The following ADCY2 variants were observed in gnomAD, a reference collection of about 807,000 sequenced individuals.
ADCY2 encodes adenylate cyclase type 2.
In ADCY2, 31 loss-of-function variants were observed where a neutral mutation model predicts 125.2. The observed-to-expected ratio is 0.25, with a 90% CI of 0.19 to 0.33. ADCY2 has a LOEUF of 0.33. Ranked by LOEUF, ADCY2 falls within the 10% of genes least tolerant of loss-of-function variation. ADCY2 has a pLI of 1.00. For missense variants in ADCY2, 904 were observed against 1,418.2 expected, an observed-to-expected ratio of 0.64 and a Z score of 5.82; for synonymous variants, 512 against 548.4, an observed-to-expected ratio of 0.93 and a Z score of 0.93.
At chr5:7,447,620 G>A (rs1442609144) in intron 2 of ADCY2, among the ~76,000 whole-genome samples, 1 of 152,138 alleles carries the variant, frequency 6.6e-6, no homozygotes, top group African/African-American at 2.4e-5. Flanking sequence ...CCTGCAGCTG[G>A]GCAGTGAGTG....
At chr5:7,737,618 C>A (rs900447562) in intron 14 of ADCY2, among the ~76,000 whole-genome samples, 1 of 152,090 alleles carries the variant, frequency 6.6e-6, no homozygotes, top group African/African-American at 2.4e-5. Flanking sequence ...TACTTGAAAG[C>A]AAACAAGAAA....
At chr5:7,751,443 C>A (rs570375386) in intron 15 of ADCY2, among the ~76,000 whole-genome samples, 16 of 152,286 alleles carry the variant, frequency 1.1e-4, no homozygotes, top group African/African-American at 3.9e-4. Flanking sequence ...GATGGGACAT[C>A]CCTGCACACT....
chr5:7,486,883 G>A lies in ADCY2; in HGVS notation c.409-33855G>A, dbSNP rs147439185. On this transcript the variant is annotated intron_variant, in intron 2 of 24. Coordinates refer to ENST00000338316, the MANE Select transcript of ADCY2 (RefSeq NM_020546.3). ...CAAGGTAGGCAAGTCAGAATAAAGT[G>A]GCATGTGCGTTGGAGGTCAGGGTTC... 1.4e-3 allele frequency among the ~76,000 whole-genome samples: 208 copies of A among 152,248 alleles called. 1 individual carries two copies. Among genetic ancestry groups the A allele is most frequent in the African/African-American group, 4.5e-3 (186 of 41,552 alleles).
chr5:7,722,622 T>TTGAATCAAAA (rs551449446), intron 12 of ADCY2, among the ~76,000 whole-genome samples: 139 of 152,206 alleles, frequency 9.1e-4, no homozygotes, highest in South Asian at 2.5e-3. Flanking sequence ...TTTGTTTCCC[T>TTGAATCAAAA]ACAGCTTATA....
chr5:7,775,300 C>G (rs1743685898), intron 18 of ADCY2, among the ~76,000 whole-genome samples: 1 of 150,844 alleles, frequency 6.6e-6, no homozygotes, highest in South Asian at 2.1e-4. Flanking sequence ...AGGCTGCTCT[C>G]AAACTTCTGG....
chr5:7,412,003 A>G (rs1184237227), intron 1 of ADCY2, among the ~76,000 whole-genome samples: 1 of 151,650 alleles, frequency 6.6e-6, no homozygotes, highest in African/African-American at 2.4e-5. Context: ...TGAACCCAGG[A>G]GGCGGAGCTT....
At chr5:7,409,095 T>C (rs930803817) in intron 1 of ADCY2, among the ~76,000 whole-genome samples, 1 of 152,160 alleles carries the variant, frequency 6.6e-6, no homozygotes, top group African/African-American at 2.4e-5. Context: ...TAGATGGAGC[T>C]GGAGCCCATT....
chr5:7,568,135 G>A (rs747878324), intron 3 of ADCY2, among the ~76,000 whole-genome samples: 1 of 152,120 alleles, frequency 6.6e-6, no homozygotes, highest in African/African-American at 2.4e-5. Flanking sequence ...ATGTAGTATG[G>A]AATGAGAGCT....
intron 3 of ADCY2, among the ~76,000 whole-genome samples, chr5:7,598,531 G>T (rs1388810570): frequency 6.6e-6 from 1 of 152,156 alleles, no homozygotes; most frequent in Non-Finnish European, 1.5e-5. Context: ...GGGGGTTCTG[G>T]AATTTTGTAT....
chr5:7,597,273 G>A (rs958589736), intron 3 of ADCY2, among the ~76,000 whole-genome samples: 2 of 152,224 alleles, frequency 1.3e-5, no homozygotes, highest in Non-Finnish European at 2.9e-5. Flanking sequence ...CAAAGCAAAC[G>A]TTCTAGCCAG....
intron 2 of ADCY2, among the ~76,000 whole-genome samples, chr5:7,511,623 GT>G (rs1554015492): frequency 3.9e-5 from 6 of 151,968 alleles, no homozygotes; most frequent in Non-Finnish European, 8.8e-5. Context: ...AAAACGAGGG[GT>G]TTTTTAGATA....
intron 2 of ADCY2, among the ~76,000 whole-genome samples, chr5:7,503,959 G>A (rs1177906142): frequency 6.6e-6 from 1 of 152,182 alleles, no homozygotes; most frequent in East Asian, 1.9e-4. Flanking sequence ...TCACTGTCCT[G>A]GGTTTGTCCT....
intron 10 of ADCY2, among the ~76,000 whole-genome samples, chr5:7,710,688 A>G (rs1182089056): frequency 2.0e-5 from 3 of 152,148 alleles, no homozygotes; most frequent in African/African-American, 7.2e-5. Context: ...ACCACGGTAA[A>G]TTTTATATTG....
intron 1 of ADCY2, among the ~76,000 whole-genome samples, chr5:7,397,242 T>C (rs1391347219): frequency 1.3e-5 from 2 of 152,118 alleles, no homozygotes; most frequent in Admixed American, 6.5e-5. Context: ...AGGAGTATAA[T>C]GCAGCTCAAC....
chr5:7,546,269 A>G (rs1735144633), intron 3 of ADCY2, among the ~76,000 whole-genome samples: 4 of 152,208 alleles, frequency 2.6e-5, no homozygotes, highest in Admixed American at 2.6e-4. Context: ...GTTGGCTTTG[A>G]ATGAATGGTA....
At chr5:7,446,984 T>C (rs1340779728) in intron 2 of ADCY2, among the ~76,000 whole-genome samples, 1 of 152,202 alleles carries the variant, frequency 6.6e-6, no homozygotes, top group African/African-American at 2.4e-5. Context: ...CCCTCTCATG[T>C]TAAGTTCATC....
intron 4 of ADCY2, among the ~76,000 whole-genome samples, chr5:7,673,849 A>C (rs1740023224): frequency 6.6e-6 from 1 of 152,156 alleles, no homozygotes; most frequent in African/African-American, 2.4e-5. Context: ...GTATCCTGGA[A>C]GCTGTTTCCA....
chr5:7,443,639 C>CAAAAAAAAA (rs56089574), intron 2 of ADCY2, among the ~76,000 whole-genome samples: 3 of 51,198 alleles, frequency 5.9e-5, no homozygotes, highest in African/African-American at 2.7e-4. Context: ...GACTCTGTCT[C>CAAAAAAAAA]AAAAAAAAAA....
chr5:7,737,208 C>T (rs1742276117), intron 14 of ADCY2, among the ~76,000 whole-genome samples: 1 of 152,008 alleles, frequency 6.6e-6, no homozygotes, highest in Non-Finnish European at 1.5e-5. Flanking sequence ...GAAGTATTTA[C>T]AGAATGAGAG....
Sources: gnomAD v4.1 joint callset for allele counts (sites outside exome capture counted in the v4.1 genomes callset) on GRCh38, gnomAD v4.1.1 for gene constraint, MANE v1.5 for transcripts, NCBI Gene and HGNC (gene_info 2026-07-23, HGNC 2026-07-21) for gene names.